The following CHM variants were observed in gnomAD, a reference collection of about 807,000 sequenced individuals.
CHM encodes the protein rab proteins geranylgeranyltransferase component A 1.
CHM carries 10 observed loss-of-function variants against 49.0 expected under a neutral mutation model. The ratio of observed to expected loss-of-function variants is 0.20; its 90% CI spans 0.13 to 0.35. CHM has a LOEUF of 0.35. CHM is among the 10% of genes least tolerant of loss of function. The pLI is 1.00. For missense variants in CHM, 455 were observed against 478.4 expected (o/e 0.95, Z 0.46); for synonymous variants, 184 against 167.5 (o/e 1.10, Z -0.76).
intron 9 of CHM, among the ~76,000 whole-genome samples, chrX:85,909,610 G>A (rs1310007523): frequency 1.8e-5 from 2 of 111,669 alleles, no homozygotes; most frequent in Admixed American, 1.9e-4. Context: ...TGTTGCAACT[G>A]GAATCTGTAC....
intron 1 of CHM, among the ~76,000 whole-genome samples, chrX:86,045,957 A>T: frequency 1.8e-5 from 2 of 112,303 alleles, no homozygotes; most frequent in Non-Finnish European, 3.8e-5. Flanking sequence ...CTCTCATCCA[A>T]CATCTGTTCA....
chrX:85,917,150 G>C (rs1013674349), intron 8 of CHM, among the ~76,000 whole-genome samples: 2 of 111,864 alleles, frequency 1.8e-5, no homozygotes, highest in African/African-American at 6.5e-5. Context: ...GCAGGGACAT[G>C]GATGGAGCTG....
chrX:86,046,279 GC>G (rs1934650764), intron 1 of CHM, among the ~76,000 whole-genome samples: 2 of 111,865 alleles, frequency 1.8e-5, no homozygotes, highest in Non-Finnish European at 3.8e-5. Context: ...GATGGAATGG[GC>G]CTTTGGAAAT....
At chrX:86,007,801 A>T (rs2147760708) in intron 2 of CHM, among the ~76,000 whole-genome samples, 1 of 112,301 alleles carries the variant, frequency 8.9e-6, no homozygotes, top group African/African-American at 3.2e-5. Context: ...GCTTTTACAC[A>T]GTTGATGGGA....
intron 11 of CHM, among the ~76,000 whole-genome samples, chrX:85,899,693 A>C (rs1170600342): frequency 7.1e-5 from 5 of 70,330 alleles, no homozygotes; most frequent in Non-Finnish European, 1.1e-4. Context: ...CCCCGCCCCA[A>C]AAAAACCCCT....
chrX:85,891,562 C>T (rs1241520748), intron 12 of CHM, among the ~76,000 whole-genome samples: 3 of 112,310 alleles, frequency 2.7e-5, no homozygotes, highest in Non-Finnish European at 5.6e-5. Flanking sequence ...CCTGTGAGTG[C>T]ATAGAAGTTA....
At chrX:85,974,818 AAAT>A (rs1405657686) in intron 4 of CHM, among the ~76,000 whole-genome samples, 2 of 111,325 alleles carry the variant, frequency 1.8e-5, no homozygotes, top group South Asian at 3.7e-4. Flanking sequence ...AAAATAATCA[AAAT>A]AATAATAATT....
At chrX:85,968,825 A>C (rs939420985) in intron 4 of CHM, among the ~76,000 whole-genome samples, 2 of 111,714 alleles carry the variant, frequency 1.8e-5, no homozygotes, top group African/African-American at 6.5e-5. Flanking sequence ...CACAATTACA[A>C]ATCCTCTACC....
intron 8 of CHM, among the ~76,000 whole-genome samples, chrX:85,955,362 CAT>C (rs1364856371): frequency 1.8e-5 from 2 of 111,338 alleles, no homozygotes; most frequent in Non-Finnish European, 3.8e-5. Context: ...CCCACAAACA[CAT>C]ATGCCTCCTA....
intron 4 of CHM, among the ~76,000 whole-genome samples, chrX:85,976,096 A>G (rs1931239785): frequency 8.9e-6 from 1 of 111,975 alleles, no homozygotes; most frequent in Non-Finnish European, 1.9e-5. Context: ...ACGTACTTCA[A>G]ATCCTCTACT....
At chrX:86,038,427 T>C (rs1370996818) in intron 1 of CHM, among the ~76,000 whole-genome samples, 1 of 111,951 alleles carries the variant, frequency 8.9e-6, no homozygotes, top group African/African-American at 3.3e-5. Flanking sequence ...CAATGAATTA[T>C]ACATCTTACA....
chrX:85,970,873 T>A, intron 4 of CHM: 1 of 637,291 alleles, frequency 1.6e-6, no homozygotes, highest in Non-Finnish European at 1.9e-6. Flanking sequence ...TCTGGATAGT[T>A]CTTTACAGTC....
chrX:86,005,498 C>T (rs1932833184), intron 2 of CHM, among the ~76,000 whole-genome samples: 1 of 111,004 alleles, frequency 9.0e-6, no homozygotes, highest in Non-Finnish European at 1.9e-5. Context: ...AAAAGATCAA[C>T]AAAATTGATA....
chrX:85,935,271 A>C (rs1391962805), intron 8 of CHM, among the ~76,000 whole-genome samples: 1 of 111,595 alleles, frequency 9.0e-6, no homozygotes, highest in Non-Finnish European at 1.9e-5. Flanking sequence ...CAAGGATCGC[A>C]CCAAGCCATT....
chrX:85,899,454 T>G (rs1926108079), intron 11 of CHM, among the ~76,000 whole-genome samples: 1 of 111,225 alleles, frequency 9.0e-6, no homozygotes, highest in African/African-American at 3.3e-5. Context: ...TAACAATGTA[T>G]TTTCAATTTC....
rs1391210260 is a variant in CHM at position 85,868,278 on chromosome X, CT to C, written c.1771-3458del. ...AGAGCTGTTGGTTTAAGGGTATGAA[CT>C]TTCAGCTATAAGTTCTGGGGATCTA... On this transcript the variant is annotated intron_variant, in intron 14 of 14. Coordinates refer to ENST00000357749, the MANE Select transcript of CHM (RefSeq NM_000390.4). Among the ~76,000 whole-genome samples, 5 of 110,413 alleles carry C rather than the reference CT, an allele frequency of 4.5e-5. No individual in the cohort carries two copies. The East Asian group carries it at 1.4e-3, about 32-fold the overall frequency.
chrX:86,009,680 A>G (rs1035655065), intron 2 of CHM, among the ~76,000 whole-genome samples: 56 of 112,163 alleles, frequency 5.0e-4, no homozygotes, highest in African/African-American at 1.7e-3. Flanking sequence ...TTAGTGTTTC[A>G]GATCTTGGTT....
chrX:85,870,213 AATAAG>A (rs1471463911), intron 14 of CHM, among the ~76,000 whole-genome samples: 4 of 112,096 alleles, frequency 3.6e-5, no homozygotes, highest in African/African-American at 9.7e-5. Flanking sequence ...TTGAGGACCA[AATAAG>A]ATAATATATA....
intron 13 of CHM, among the ~76,000 whole-genome samples, chrX:85,878,727 T>G (rs1259879896): frequency 1.8e-5 from 2 of 111,459 alleles, no homozygotes; most frequent in Non-Finnish European, 3.8e-5. Context: ...TATATTTTTG[T>G]GCTTAATTAT....
Sources: gnomAD v4.1 joint callset for allele counts (sites outside exome capture counted in the v4.1 genomes callset) on GRCh38, gnomAD v4.1.1 for gene constraint, MANE v1.5 for transcripts, NCBI Gene and HGNC (gene_info 2026-07-23, HGNC 2026-07-21) for gene names.